MGAT4B: variants seen among roughly 807,000 people sequenced by gnomAD.
MGAT4B encodes the protein N-acetylglucosaminyltransferase IVb.
A neutral mutation model predicts 73.9 loss-of-function variants in MGAT4B; 38 were observed. The ratio of observed to expected loss-of-function variants is 0.51; its 90% CI spans 0.40 to 0.67. The LOEUF (loss-of-function observed/expected upper bound fraction) is 0.67, where lower values mean the gene tolerates loss of function less well. MGAT4B is among the 30% of genes least tolerant of loss of function. The probability of loss-of-function intolerance (pLI) is 0.00; values close to 1 mark genes in which losing one functional copy is unlikely to be tolerated. For synonymous variants in MGAT4B, 373 were observed against 313.5 expected (o/e 1.19, Z -2.01); for missense variants, 686 against 735.2 (o/e 0.93, Z 0.77).
chr5:179,799,777 T>C (rs983419805), intron 8 of MGAT4B, 141 bp from the exon 9 acceptor site: 1 of 1,343,128 alleles, frequency 7.4e-7, no homozygotes, highest in Non-Finnish European at 1.0e-6. Context: ...AGACAGGTGA[T>C]GAGGGCAGAC....
chr5:179,798,828 G>A (rs1236936901), intron 11 of MGAT4B, 100 bp downstream of exon 11: 53 of 1,402,576 alleles, frequency 3.8e-5, no homozygotes, highest in Non-Finnish European at 4.6e-5. Flanking sequence ...CACTTCAGAT[G>A]CGGAAACTGA....
At position 179,799,579 on chromosome 5, in the gene MGAT4B, T is replaced by C. The variant is rs1299909540; in HGVS notation, c.968A>G (p.Tyr323Cys). Residue 323 changes from tyrosine (Y) to cysteine (C), a missense_variant, in exon 9 of 15, where the codon TAC becomes TGC. Transcript: ENST00000292591. ...SLIVEFILMF[Y>C]RDKPIDWLLD... is the part of the protein sequence containing the mutation. ...GAGCCAGTCGATGGGCTTGTCCCGG[T>C]AGAACATGAGAATGAACTCTACAAT... The C allele has an allele frequency of 6.2e-7, 1 of 1,613,920 alleles. No individual in the cohort carries two copies. The highest frequency in any genetic ancestry group is 8.5e-7 in the Non-Finnish European group (1 of 1,180,018).
chr5:179,804,206 T>C (rs1407201352), intron 1 of MGAT4B, among the ~76,000 whole-genome samples: 1 of 152,224 alleles, frequency 6.6e-6, no homozygotes, highest in Non-Finnish European at 1.5e-5. Flanking sequence ...GCACAACCTT[T>C]GTGCCTTGTA....
At position 179,800,008 on chromosome 5, in the gene MGAT4B, G is replaced by T. The variant is rs765837183; in HGVS notation, c.856C>A (p.Gln286Lys). The change falls in exon 8 of 15, where the codon CAG becomes AAG. Residue 286 changes from glutamine (Q) to lysine (K), a missense_variant. By Grantham distance (53) the Gln-to-Lys change is moderately conservative. Around this residue, in one of 2 missense-constraint regions of MGAT4B, gnomAD observed 449 missense variants for 536.8 expected, o/e 0.84. Coordinates refer to ENST00000292591, the MANE Select transcript of MGAT4B (RefSeq NM_014275.5). Reference sequence around the variant, plus strand: ...ATCATCCAGTCCTCTGAAGGCTGCTGCAGTGCAAAGTTCTTCATGGTGCTC... The same window carrying T: ...ATCATCCAGTCCTCTGAAGGCTGCTTCAGTGCAAAGTTCTTCATGGTGCTC... The part of the protein sequence containing the change: ...YLSTMKNFAL[Q>K]QPSEDWMILE... 7 of 1,614,040 alleles carry T rather than the reference G, an allele frequency of 4.3e-6. No homozygotes were observed. The highest frequency in any genetic ancestry group is 1.7e-5 in the Admixed American group (1 of 60,028).
rs774357076 is a variant in MGAT4B, at chr5:179,801,728, AG to A, written c.284-35del. 6.3e-7 allele frequency: 1 copy of A among 1,595,738 alleles called. No individual in the cohort carries two copies. Among genetic ancestry groups the A allele is most frequent in the Non-Finnish European group, 8.5e-7 (1 of 1,170,846 alleles). ...GTCGGGAAGGATCGGGACTGAGACCAGGGAACCTACAACCAGCCCGCCCCCG... is the reference window on the plus strand; with the variant it reads ...GTCGGGAAGGATCGGGACTGAGACCAGGAACCTACAACCAGCCCGCCCCCG... On this transcript the variant is annotated intron_variant, in intron 2 of 14. Transcript: ENST00000292591. The surrounding 1 kb of genome is among the most constrained non-coding windows in gnomAD (Gnocchi z 4.8).
intron 1 of MGAT4B, chr5:179,803,232 T>C (rs1017745788): frequency 1.0e-6 from 1 of 984,614 alleles, no homozygotes; most frequent in African/African-American, 1.8e-5. Flanking sequence ...GCCCCCACCC[T>C]CCACACCCTG....
intron 5 of MGAT4B, 50 bp from the exon 6 acceptor site, chr5:179,800,647 G>A (rs537034341): frequency 7.7e-5 from 105 of 1,356,188 alleles, no homozygotes; most frequent in Non-Finnish European, 9.3e-5. Flanking sequence ...GGGCTGAGAG[G>A]GGCCGAGCCC....
chr5:179,800,735 C>T, intron 5 of MGAT4B, 138 bp from the exon 6 acceptor site: 13 of 973,696 alleles, frequency 1.3e-5, no homozygotes, highest in Non-Finnish European at 2.0e-5. Flanking sequence ...ACTGAGGTAG[C>T]AGAGCTCCAG....
In MGAT4B at chr5:179,798,608, C is replaced by T. The variant is rs200720393; in HGVS notation, c.1344-17G>A. On this transcript the variant is annotated splice_polypyrimidine_tract_variant and intron_variant, in intron 11 of 14. Transcript: ENST00000292591. ...AAGAAGAACCTGCAGCCAGGCAGGC[C>T]TGTGAGCTGCTGCAGGGGCAGCGTT... 1.9e-6 allele frequency: 3 copies of T among 1,612,598 alleles called. No individual in the cohort carries two copies. In the Admixed American group the frequency reaches 5.0e-5, roughly 27 times the overall value.
At position 179,798,615 on chromosome 5, in the gene MGAT4B, C is replaced by G. The variant is rs1202182725; in HGVS notation, c.1344-24G>C. Reference sequence around the variant, plus strand: ...ACCTGCAGCCAGGCAGGCCTGTGAGCTGCTGCAGGGGCAGCGTTCCAGCAC... The same window carrying G: ...ACCTGCAGCCAGGCAGGCCTGTGAGGTGCTGCAGGGGCAGCGTTCCAGCAC... On this transcript the variant is annotated intron_variant, in intron 11 of 14. Coordinates refer to ENST00000292591, the MANE Select transcript of MGAT4B (RefSeq NM_014275.5). 3 of 1,612,386 alleles carry G rather than the reference C, an allele frequency of 1.9e-6. No individual in the cohort carries two copies. The Admixed American group carries it at 5.0e-5, about 27-fold the overall frequency.
chr5:179,800,293 C>T (rs1364292614), intron 6 of MGAT4B, 34 bp from the exon 7 acceptor site: 6 of 1,609,688 alleles, frequency 3.7e-6, no homozygotes, highest in Non-Finnish European at 5.1e-6. Context: ...GAAGTTCAGA[C>T]CCCTCCACCT....
intron 1 of MGAT4B, 48 bp from the exon 2 acceptor site, chr5:179,802,017 C>G: frequency 1.2e-6 from 2 of 1,613,004 alleles, no homozygotes; most frequent in Non-Finnish European, 1.7e-6. Flanking sequence ...TAGAGCCACC[C>G]TACGGGCCCC....
intron 5 of MGAT4B, 97 bp from the exon 6 acceptor site, chr5:179,800,694 C>T: frequency 9.0e-6 from 10 of 1,111,506 alleles, no homozygotes; most frequent in Admixed American, 2.3e-5. Context: ...TCACCCAGTG[C>T]CAGCCCCCCA....
intron 8 of MGAT4B, 68 bp from the exon 9 acceptor site, chr5:179,799,704 G>C (rs374844229): frequency 1.9e-6 from 3 of 1,603,104 alleles, no homozygotes; most frequent in Non-Finnish European, 2.6e-6. Context: ...AGCGGCCCCC[G>C]AGTCCCACAG....
chr5:179,803,883 C>T (rs987547270), intron 1 of MGAT4B: 1 of 153,420 alleles, frequency 6.5e-6, no homozygotes, highest in African/African-American at 2.4e-5. Context: ...CCCTCAGCTT[C>T]TCTGACTGTG....
At position 179,801,304 on chromosome 5, in the gene MGAT4B, T is replaced by TCC. The variant is rs756970858; in HGVS notation, c.558+28_558+29dup. The TCC allele has an allele frequency of 3.8e-6, 6 of 1,589,086 alleles. No homozygotes were observed. The East Asian group carries it at 9.1e-5, about 24-fold the overall frequency. The stretch of plus-strand genomic sequence containing the variant: ...TGCACCGCGGGGGCTCCTCTGAATG[T>TCC]CCCCCAACCCCGCGTCCCGGCTCAC... On this transcript the variant is annotated intron_variant, in intron 4 of 14. Transcript: ENST00000292591. The surrounding 1 kb of genome is among the most constrained non-coding windows in gnomAD (Gnocchi z 4.8).
chr5:179,798,060 C>T lies in MGAT4B; in HGVS notation c.1632G>A (p.Leu544=). The change falls in exon 15 of 15, where the codon CTG becomes CTA. Residue 544 remains leucine (L), a synonymous_variant. Coordinates refer to ENST00000292591, the MANE Select transcript of MGAT4B (RefSeq NM_014275.5). ...PVWVILSEIF[L]KKAD ...AGCCCGCAGCTTAGTCGGCCTTTTTCAGGAAGATCTGGAAGAGCCGGACCC... is the reference window on the plus strand; with the variant it reads ...AGCCCGCAGCTTAGTCGGCCTTTTTTAGGAAGATCTGGAAGAGCCGGACCC... The T allele has an allele frequency of 1.2e-6, 2 of 1,609,534 alleles. No individual in the cohort carries two copies.
chr5:179,802,286 A>G, intron 1 of MGAT4B: 1 of 1,412,522 alleles, frequency 7.1e-7, no homozygotes, highest in Non-Finnish European at 9.2e-7. Flanking sequence ...CAAGGGCTGG[A>G]ACAGCCTCAG....
At position 179,801,331 on chromosome 5, in the gene MGAT4B, C is replaced by T. The variant is rs368569979; in HGVS notation, c.558+3G>A. The T allele has an allele frequency of 2.9e-5, 47 of 1,606,808 alleles. No individual in the cohort carries two copies. In the African/African-American group the frequency reaches 4.8e-4, roughly 16 times the overall value. ...CCCCAACCCCGCGTCCCGGCTCACT[C>T]GCCTCGGCGATCAGCACCACGATGA... On this transcript the variant is annotated splice_donor_region_variant and intron_variant, in intron 4 of 14. Coordinates refer to ENST00000292591, the MANE Select transcript of MGAT4B (RefSeq NM_014275.5). The surrounding 1 kb of genome is among the most constrained non-coding windows in gnomAD (Gnocchi z 4.8).
Sources: allele counts gnomAD v4.1 joint callset (sites outside exome capture counted in the v4.1 genomes callset), GRCh38; gene constraint gnomAD v4.1.1; regional missense constraint gnomAD v4.1.1; non-coding constraint Gnocchi (gnomAD v3.1); transcripts MANE v1.5; gene names NCBI Gene and HGNC (gene_info 2026-07-23, HGNC 2026-07-21).